SLC25A21: variants seen among roughly 807,000 people sequenced by gnomAD.
SLC25A21 encodes the protein mitochondrial 2-oxodicarboxylate carrier.
SLC25A21 carries 47 observed loss-of-function variants against 43.8 expected under a neutral mutation model. The ratio of observed to expected loss-of-function variants is 1.07; its 90% CI spans 0.85 to 1.37. SLC25A21 has a LOEUF of 1.37. Among genes scored for constraint, SLC25A21 ranks in the 40% most tolerant of loss-of-function variants. SLC25A21 has a pLI of 0.00. For synonymous variants in SLC25A21, 131 were observed against 121.3 expected (o/e 1.08, Z -0.52); for missense variants, 352 against 350.2 (o/e 1.00, Z -0.04).
intron 3 of SLC25A21, among the ~76,000 whole-genome samples, chr14:36,761,225 C>T (rs1378372846): frequency 2.0e-5 from 3 of 152,152 alleles, no homozygotes; most frequent in East Asian, 3.9e-4. Context: ...TTGGCACGGC[C>T]GGCCTGTGGG....
intron 2 of SLC25A21, among the ~76,000 whole-genome samples, chr14:36,834,274 A>G (rs1889133260): frequency 6.6e-6 from 1 of 152,210 alleles, no homozygotes; most frequent in African/African-American, 2.4e-5. Context: ...TCGATCAGGC[A>G]AGGTTTTTGT....
At chr14:37,090,944 C>T (rs1320857143) in intron 1 of SLC25A21, among the ~76,000 whole-genome samples, 1 of 152,198 alleles carries the variant, frequency 6.6e-6, no homozygotes, top group East Asian at 1.9e-4. Context: ...TCCTGTGTGT[C>T]TCTGGTGACA....
At chr14:36,816,845 G>A (rs375867832) in intron 2 of SLC25A21, among the ~76,000 whole-genome samples, 2 of 152,008 alleles carry the variant, frequency 1.3e-5, no homozygotes, top group East Asian at 1.9e-4. Flanking sequence ...TCCAAAATAC[G>A]ACTTTGGTTC....
chr14:37,172,570 A>C lies in SLC25A21; in HGVS notation c.-220T>G, dbSNP rs1287602505. On this transcript the variant is annotated 5_prime_UTR_variant, in exon 1 of 10. Transcript: ENST00000331299. ...GAACCTGTTCGCAGCGCTCTCGCAGAGGCGCCCTCGGCTCCGAAAATGTCT... is the reference window on the plus strand; with the variant it reads ...GAACCTGTTCGCAGCGCTCTCGCAGCGGCGCCCTCGGCTCCGAAAATGTCT... 3 of 703,844 alleles carry C rather than the reference A, an allele frequency of 4.3e-6. No individual in the cohort carries two copies. The highest frequency in any genetic ancestry group is 2.0e-5 in the Admixed American group (1 of 49,898). The allele number at this position is 703,844 out of a possible 1,614,324, so 43.6% of individuals were successfully genotyped here.
chr14:36,925,922 T>C (rs138685257), intron 1 of SLC25A21, among the ~76,000 whole-genome samples: 30 of 151,912 alleles, frequency 2.0e-4, no homozygotes, highest in African/African-American at 6.5e-4. Context: ...GAAGTAGAAA[T>C]AGACAAACCC....
Position 37,126,835 on chromosome 14 carries a change from C to T in SLC25A21, c.70+45446G>A, listed in dbSNP as rs189070769. On this transcript the variant is annotated intron_variant, in intron 1 of 9. Transcript: ENST00000331299. ...ATTTTAGTTTCCCTTGCACTTAAAA[C>T]ACTTAGGTCAATGGTTCATTTTTTA... Among the ~76,000 whole-genome samples the T allele has an allele frequency of 9.2e-5, 14 of 152,304 alleles. No homozygotes were observed. In the East Asian group the frequency reaches 2.7e-3, roughly 29 times the overall value.
chr14:36,867,113 C>G (rs1245977960), intron 2 of SLC25A21, among the ~76,000 whole-genome samples: 3 of 152,070 alleles, frequency 2.0e-5, no homozygotes, highest in African/African-American at 7.2e-5. Context: ...TCCCTCTCCC[C>G]ACTTAGTCCA....
intron 1 of SLC25A21, among the ~76,000 whole-genome samples, chr14:37,063,329 G>A (rs935723951): frequency 5.9e-5 from 9 of 152,000 alleles, no homozygotes; most frequent in East Asian, 5.8e-4. Context: ...GTGAAACCCC[G>A]TCTCTACTAA....
At chr14:37,104,300 C>G (rs778220440) in intron 1 of SLC25A21, among the ~76,000 whole-genome samples, 1 of 152,182 alleles carries the variant, frequency 6.6e-6, no homozygotes, top group African/African-American at 2.4e-5. Context: ...AGGTGGAGAG[C>G]TAGCTCTCAT....
chr14:36,770,077 C>T (rs774238451), intron 3 of SLC25A21, among the ~76,000 whole-genome samples: 8 of 152,182 alleles, frequency 5.3e-5, no homozygotes, highest in South Asian at 2.1e-4. Flanking sequence ...CATAAATAGC[C>T]TTGCTCGCAC....
At chr14:36,935,531 T>C (rs1892400294) in intron 1 of SLC25A21, among the ~76,000 whole-genome samples, 1 of 152,206 alleles carries the variant, frequency 6.6e-6, no homozygotes, top group Admixed American at 6.5e-5. Flanking sequence ...ATGTCTATAC[T>C]TATCATGACT....
chr14:36,988,758 T>C (rs1960200326), intron 1 of SLC25A21, among the ~76,000 whole-genome samples: 2 of 152,312 alleles, frequency 1.3e-5, no homozygotes, highest in African/African-American at 2.4e-5. Flanking sequence ...GGCCACAGTT[T>C]ACATTTAATG....
chr14:37,052,117 A>G (rs1022099382), intron 1 of SLC25A21, among the ~76,000 whole-genome samples: 4 of 152,382 alleles, frequency 2.6e-5, no homozygotes, highest in Non-Finnish European at 5.9e-5. Flanking sequence ...GCATTCAAAA[A>G]GGCAAGTTAT....
chr14:36,891,504 C>T (rs1594672377), intron 1 of SLC25A21, among the ~76,000 whole-genome samples: 1 of 152,084 alleles, frequency 6.6e-6, no homozygotes, highest in African/African-American at 2.4e-5. Context: ...TTTGATGCTA[C>T]AAGGATCAAT....
chr14:36,903,537 C>T (rs1439861076), intron 1 of SLC25A21, among the ~76,000 whole-genome samples: 1 of 135,390 alleles, frequency 7.4e-6, no homozygotes, highest in Non-Finnish European at 1.5e-5. Context: ...CGCTTGAACC[C>T]AGGAGGTGGA....
At chr14:36,786,693 C>T (rs552572478) in intron 3 of SLC25A21, among the ~76,000 whole-genome samples, 11 of 152,204 alleles carry the variant, frequency 7.2e-5, no homozygotes, top group Non-Finnish European at 1.5e-4. Flanking sequence ...TTAACTGCTG[C>T]CTTTATTTGA....
chr14:36,799,934 G>A (rs1887810380), intron 3 of SLC25A21, among the ~76,000 whole-genome samples: 1 of 152,112 alleles, frequency 6.6e-6, no homozygotes, highest in African/African-American at 2.4e-5. Context: ...CAAATAACTT[G>A]ATTAACTAAG....
At chr14:36,938,297 T>C (rs902422053) in intron 1 of SLC25A21, among the ~76,000 whole-genome samples, 4 of 152,170 alleles carry the variant, frequency 2.6e-5, no homozygotes, top group Non-Finnish European at 5.9e-5. Context: ...GAGTGGACTG[T>C]GCCAGGCCTT....
intron 3 of SLC25A21, among the ~76,000 whole-genome samples, chr14:36,776,361 C>T (rs4900300): frequency 0.18 from 26,465 of 150,122 alleles, 2,727 homozygotes; most frequent in East Asian, 0.3. Flanking sequence ...CTCAGCCTCC[C>T]GAGTAGCTGG....
Sources: allele counts gnomAD v4.1 joint callset (sites outside exome capture counted in the v4.1 genomes callset), GRCh38; gene constraint gnomAD v4.1.1; transcripts MANE v1.5; gene names NCBI Gene and HGNC (gene_info 2026-07-23, HGNC 2026-07-21).